Variants in CNTNAP2 observed in about 807,000 individuals in gnomAD.
The protein encoded by CNTNAP2 is contactin-associated protein-like 2.
A neutral mutation model predicts 155.2 loss-of-function variants in CNTNAP2; 98 were observed. The ratio of observed to expected loss-of-function variants is 0.63; its 90% confidence interval spans 0.54 to 0.75. The LOEUF (loss-of-function observed/expected upper bound fraction) is 0.75. Ranked by LOEUF, CNTNAP2 falls within the 30% of genes least tolerant of loss-of-function variation. CNTNAP2 has a pLI of 0.00. For missense variants in CNTNAP2, 1,727 were observed against 1,688.1 expected, an observed-to-expected ratio of 1.02 and a Z score of -0.40; for synonymous variants, 651 against 631.2, an observed-to-expected ratio of 1.03 and a Z score of -0.47.
chr7:147,165,973 A>T (rs1413023633), intron 8 of CNTNAP2, among the ~76,000 whole-genome samples: 1 of 152,168 alleles, frequency 6.6e-6, no homozygotes, highest in African/African-American at 2.4e-5. Flanking sequence ...CAGTGTGGAG[A>T]TTCTTTAAAG....
chr7:148,402,575 T>A (rs80180195), intron 22 of CNTNAP2, among the ~76,000 whole-genome samples: 7,178 of 152,272 alleles, frequency 0.047, 229 homozygotes, highest in African/African-American at 0.084. Context: ...GCTAAAAACA[T>A]TATTTAAGAA....
At chr7:147,793,915 T>A (rs558515381) in intron 13 of CNTNAP2, among the ~76,000 whole-genome samples, 80 of 152,108 alleles carry the variant, frequency 5.3e-4, no homozygotes, top group African/African-American at 1.7e-3. Flanking sequence ...TTTTATTATC[T>A]TTGATGCTGT....
chr7:147,411,135 TG>T (rs1191023681), intron 10 of CNTNAP2, among the ~76,000 whole-genome samples: 4 of 152,234 alleles, frequency 2.6e-5, no homozygotes, highest in African/African-American at 9.6e-5. Flanking sequence ...TAAGCCTAAG[TG>T]TATTTGCAAT....
At chr7:146,554,838 A>G (rs1468589601) in intron 1 of CNTNAP2, among the ~76,000 whole-genome samples, 1 of 152,268 alleles carries the variant, frequency 6.6e-6, no homozygotes, top group Non-Finnish European at 1.5e-5. Context: ...TTAACAAAAT[A>G]GGCGTTAGCC....
chr7:147,354,703 T>C (rs1057373061), intron 9 of CNTNAP2, among the ~76,000 whole-genome samples: 6 of 152,154 alleles, frequency 3.9e-5, no homozygotes, highest in Admixed American at 3.3e-4. Context: ...GGGGATAGCA[T>C]TGAATCTGTA....
At chr7:147,255,713 G>T (rs779550508) in intron 8 of CNTNAP2, among the ~76,000 whole-genome samples, 1 of 151,926 alleles carries the variant, frequency 6.6e-6, no homozygotes, top group Non-Finnish European at 1.5e-5. Context: ...ATAGGTAGAG[G>T]TCTCTGTACA....
chr7:146,231,842 T>C (rs1367355504), intron 1 of CNTNAP2, among the ~76,000 whole-genome samples: 5 of 152,192 alleles, frequency 3.3e-5, no homozygotes, highest in Non-Finnish European at 7.3e-5. Context: ...CACACACTTT[T>C]AGACTTAGCA....
chr7:146,233,472 T>TA lies in CNTNAP2; in HGVS notation c.97+116499_97+116500insA, dbSNP rs570045857. On this transcript the variant is annotated intron_variant, in intron 1 of 23. Transcript: ENST00000361727. Reference sequence around the variant, plus strand: ...GAATATACTCTGTGACTCTTTTTTTTTTATTATTATACTTTAAGTTTTAGG... The same window carrying TA: ...GAATATACTCTGTGACTCTTTTTTTTATTATTATTATACTTTAAGTTTTAGG... 1.5e-3 allele frequency among the ~76,000 whole-genome samples: 226 copies of TA among 151,916 alleles called. 7 individuals carry two copies. The South Asian group carries it at 0.035, about 24-fold the overall frequency.
At chr7:148,030,072 G>A (rs2116460483) in intron 15 of CNTNAP2, among the ~76,000 whole-genome samples, 1 of 152,310 alleles carries the variant, frequency 6.6e-6, no homozygotes, top group East Asian at 1.9e-4. Context: ...AGTATGCCAG[G>A]AAAATAGCAT....
At chr7:147,538,794 A>T (rs1799592448) in intron 11 of CNTNAP2, among the ~76,000 whole-genome samples, 1 of 151,696 alleles carries the variant, frequency 6.6e-6, no homozygotes, top group South Asian at 2.1e-4. Context: ...TTTCCTGAGT[A>T]TTTTAACTTT....
chr7:147,077,001 A>G (rs577182323), intron 4 of CNTNAP2, among the ~76,000 whole-genome samples: 1 of 152,292 alleles, frequency 6.6e-6, no homozygotes, highest in East Asian at 1.9e-4. Flanking sequence ...TTAAAACACA[A>G]CTGCTTCGTT....
rs527379679 is a variant in CNTNAP2 at position 147,802,411 on chromosome 7, A to G, written c.2099-101154A>G. Among the ~76,000 whole-genome samples, 107 of 152,112 alleles carry G rather than the reference A, an allele frequency of 7.0e-4. 1 individual carries two copies. In the East Asian group the frequency reaches 0.02, roughly 28 times the overall value. The stretch of plus-strand genomic sequence containing the variant: ...GAGGCTGCAATCTCGGCACTTTGGG[A>G]GGCCAAGGCAGGCGGCTGGGAGGTG... On this transcript the variant is annotated intron_variant, in intron 13 of 23. Coordinates refer to ENST00000361727, the MANE Select transcript of CNTNAP2 (RefSeq NM_014141.6).
intron 15 of CNTNAP2, among the ~76,000 whole-genome samples, chr7:148,040,256 A>G (rs1417587967): frequency 6.6e-6 from 1 of 152,236 alleles, no homozygotes; most frequent in Non-Finnish European, 1.5e-5. Context: ...CATTAAAATG[A>G]TAATGCTTTA....
chr7:147,920,377 G>A (rs76828099), intron 14 of CNTNAP2, among the ~76,000 whole-genome samples: 6 of 96,054 alleles, frequency 6.2e-5, no homozygotes, highest in East Asian at 4.6e-4. Context: ...AAAAAAAAAA[G>A]CATGTCTCTG....
Position 146,796,906 on chromosome 7 carries a change from G to T in CNTNAP2, c.208+22525G>T, listed in dbSNP as rs1407652523. Among the ~76,000 whole-genome samples the T allele has an allele frequency of 3.3e-5, 5 of 152,124 alleles. No individual in the cohort carries two copies. The East Asian group carries it at 9.7e-4, about 30-fold the overall frequency. Reference sequence around the variant, plus strand: ...AATCTCAGCACTTTGGGAAGCTGAGGCAGGCAGATCACGAGGTCAGGAGAT... The same window carrying T: ...AATCTCAGCACTTTGGGAAGCTGAGTCAGGCAGATCACGAGGTCAGGAGAT... On this transcript the variant is annotated intron_variant, in intron 2 of 23. Coordinates refer to ENST00000361727, the MANE Select transcript of CNTNAP2 (RefSeq NM_014141.6).
At chr7:147,599,313 C>T (rs879476595) in intron 12 of CNTNAP2, among the ~76,000 whole-genome samples, 2 of 150,934 alleles carry the variant, frequency 1.3e-5, no homozygotes, top group African/African-American at 2.4e-5. Flanking sequence ...CCTGTCTCTA[C>T]TAAAAAAATA....
At chr7:146,375,448 G>C (rs1171320361) in intron 1 of CNTNAP2, among the ~76,000 whole-genome samples, 1 of 152,134 alleles carries the variant, frequency 6.6e-6, no homozygotes, top group Non-Finnish European at 1.5e-5. Context: ...GGGATTAGTG[G>C]GTGCCTTTTG....
chr7:147,411,783 T>C (rs900443507), intron 10 of CNTNAP2, among the ~76,000 whole-genome samples: 12 of 152,158 alleles, frequency 7.9e-5, no homozygotes, highest in African/African-American at 2.9e-4. Context: ...TACAGTTTCA[T>C]TCTAGGTGGT....
At chr7:147,083,834 GTATGTACATATTATATACATATACACA>G in intron 4 of CNTNAP2, among the ~76,000 whole-genome samples, 1 of 138,704 alleles carries the variant, frequency 7.2e-6, no homozygotes, top group African/African-American at 2.7e-5. Flanking sequence ...ATATACACAT[GTATGTACATATTATATACATATACACA>G]TGTATGTACA....
Sources: gnomAD v4.1 joint callset for allele counts (sites outside exome capture counted in the v4.1 genomes callset) on GRCh38, gnomAD v4.1.1 for gene constraint, MANE v1.5 for transcripts, NCBI Gene and HGNC (gene_info 2026-07-23, HGNC 2026-07-21) for gene names.